ME1: variants seen among roughly 807,000 people sequenced by gnomAD.
ME1 encodes malic enzyme 1, also known as NADP-dependent malic enzyme.
ME1 carries 74 observed loss-of-function variants against 66.4 expected under a neutral mutation model. That is an observed-to-expected ratio of 1.11 (90% CI 0.92 to 1.35). ME1 has a LOEUF of 1.35. Ranked by LOEUF, ME1 falls within the 40% of genes most tolerant of loss-of-function variation. The pLI is 0.00. For missense variants in ME1, 750 were observed against 694.1 expected (o/e 1.08, Z -0.90); for synonymous variants, 251 against 235.6 (o/e 1.07, Z -0.60).
At position 83,392,875 on chromosome 6, in the gene ME1, C is replaced by T. The variant is rs1583414513; in HGVS notation, c.362+5492G>A. 3.8e-6 allele frequency: 3 copies of T among 785,716 alleles called. No homozygotes were observed. The South Asian group carries it at 4.0e-5, about 10-fold the overall frequency. The allele number at this position is 785,716 out of a possible 1,614,324, so 48.7% of individuals were successfully genotyped here. On this transcript the variant is annotated intron_variant, in intron 3 of 13. Transcript: ENST00000369705. ...ATTATCAGCAATGCCTCCTGCACCA[C>T]CAGCTGCTTAACGCCCCTGGCCAAG...
chr6:83,292,422 C>G (rs1439733384), intron 6 of ME1, among the ~76,000 whole-genome samples: 1 of 152,192 alleles, frequency 6.6e-6, no homozygotes, highest in African/African-American at 2.4e-5. Flanking sequence ...CCCTCCATAC[C>G]CTGTTTGCCT....
intron 10 of ME1, 117 bp downstream of exon 10, chr6:83,228,709 C>T (rs780825064): frequency 7.1e-6 from 5 of 702,046 alleles, no homozygotes; most frequent in Non-Finnish European, 1.2e-5. Flanking sequence ...GTCGCTTGAG[C>T]GAACGTGTAG....
intron 5 of ME1, among the ~76,000 whole-genome samples, chr6:83,345,015 T>C (rs1377748966): frequency 2.0e-5 from 3 of 152,168 alleles, no homozygotes; most frequent in Non-Finnish European, 4.4e-5. Context: ...TTAAATTTTT[T>C]AGAGCAGGGT....
At chr6:83,403,944 G>T (rs764264648) in intron 2 of ME1, among the ~76,000 whole-genome samples, 6 of 152,152 alleles carry the variant, frequency 3.9e-5, no homozygotes, top group Non-Finnish European at 8.8e-5. Flanking sequence ...TTGCTATTGT[G>T]AATAGTGCCG....
chr6:83,231,172 C>T (rs1790300866), intron 9 of ME1, among the ~76,000 whole-genome samples: 1 of 151,636 alleles, frequency 6.6e-6, no homozygotes, highest in Non-Finnish European at 1.5e-5. Flanking sequence ...GAATGGGAAA[C>T]AAATAATAAA....
intron 3 of ME1, among the ~76,000 whole-genome samples, chr6:83,394,260 C>G (rs550627854): frequency 1.9e-4 from 29 of 152,010 alleles, no homozygotes; most frequent in African/African-American, 6.3e-4. Context: ...TTTGATGGAA[C>G]AAATAAGACC....
intron 6 of ME1, among the ~76,000 whole-genome samples, chr6:83,286,805 T>G (rs1024893816): frequency 2.0e-5 from 3 of 152,152 alleles, no homozygotes; most frequent in Non-Finnish European, 4.4e-5. Context: ...TATTAAAATT[T>G]TCCTTGTAGC....
chr6:83,214,412 G>C (rs1789953573), intron 13 of ME1, among the ~76,000 whole-genome samples: 1 of 152,092 alleles, frequency 6.6e-6, no homozygotes, highest in African/African-American at 2.4e-5. Context: ...AAAAGTCTCT[G>C]ATAACTTGTT....
chr6:83,261,935 A>G (rs1439212013), intron 6 of ME1, among the ~76,000 whole-genome samples: 1 of 147,400 alleles, frequency 6.8e-6, no homozygotes, highest in Non-Finnish European at 1.5e-5. Context: ...AATCACTTGA[A>G]CCCAGGTGGT....
intron 6 of ME1, among the ~76,000 whole-genome samples, chr6:83,260,124 C>A (rs769944495): frequency 1.3e-5 from 2 of 150,720 alleles, no homozygotes; most frequent in African/African-American, 4.9e-5. Flanking sequence ...GTATTTATTT[C>A]TCTAAAAGCA....
At chr6:83,218,077 C>T (rs1790026086) in intron 12 of ME1, among the ~76,000 whole-genome samples, 1 of 152,134 alleles carries the variant, frequency 6.6e-6, no homozygotes, top group African/African-American at 2.4e-5. Context: ...TCATTAATTT[C>T]TTGCCTTTGT....
intron 3 of ME1, among the ~76,000 whole-genome samples, chr6:83,365,621 A>G (rs1319529703): frequency 6.6e-6 from 1 of 152,180 alleles, no homozygotes; most frequent in Non-Finnish European, 1.5e-5. Flanking sequence ...GCACTTTAGG[A>G]GGGCAAAATG....
chr6:83,398,472 AAG>A lies in ME1; in HGVS notation c.255_256del (p.Phe86LeufsTer2), dbSNP rs547639876. The A allele has an allele frequency of 2.5e-6, 4 of 1,583,816 alleles. No individual in the cohort carries two copies. The African/African-American group carries it at 5.4e-5, about 21-fold the overall frequency. ...AATGTCAGATGTCAGCACTCTATAAAAGAGTTTTTCATTTCTATCTTGGAGAT... is the reference window on the plus strand; with the variant it reads ...AATGTCAGATGTCAGCACTCTATAAAAGTTTTTCATTTCTATCTTGGAGAT... On this transcript the variant is annotated frameshift_variant, in exon 3 of 14. Coordinates refer to ENST00000369705, the MANE Select transcript of ME1 (RefSeq NM_002395.6). LOFTEE classifies it high-confidence loss of function.
At chr6:83,260,967 G>T (rs1766876894) in intron 6 of ME1, among the ~76,000 whole-genome samples, 1 of 152,082 alleles carries the variant, frequency 6.6e-6, no homozygotes. Context: ...ATTCTTTTGG[G>T]TATATATCCA....
intron 7 of ME1, among the ~76,000 whole-genome samples, chr6:83,244,099 G>T (rs372222685): frequency 6.6e-6 from 1 of 151,444 alleles, no homozygotes; most frequent in Non-Finnish European, 1.5e-5. Context: ...TACTCAATAC[G>T]GAGACCCTCC....
intron 7 of ME1, 102 bp from the exon 8 acceptor site, chr6:83,239,738 G>T: frequency 1.3e-6 from 1 of 763,222 alleles, no homozygotes; most frequent in Non-Finnish European, 2.2e-6. Flanking sequence ...AGGTTAACTG[G>T]TACAGAAGAG....
At chr6:83,327,637 C>T (rs564609497) in intron 5 of ME1, among the ~76,000 whole-genome samples, 2 of 152,230 alleles carry the variant, frequency 1.3e-5, no homozygotes, top group South Asian at 4.2e-4. Context: ...ACAATGGTGC[C>T]CGAAACTTCA....
At chr6:83,299,231 T>C (rs1767665761) in intron 6 of ME1, among the ~76,000 whole-genome samples, 1 of 152,046 alleles carries the variant, frequency 6.6e-6, no homozygotes, top group Non-Finnish European at 1.5e-5. Flanking sequence ...ATTCTTCCTA[T>C]CCATGAGCAT....
chr6:83,400,173 T>G (rs1424507442), intron 2 of ME1, among the ~76,000 whole-genome samples: 2 of 152,208 alleles, frequency 1.3e-5, no homozygotes, highest in African/African-American at 4.8e-5. Context: ...CATGTTGAAA[T>G]GTAATCCCCA....
Sources: allele counts gnomAD v4.1 joint callset (sites outside exome capture counted in the v4.1 genomes callset), GRCh38; gene constraint gnomAD v4.1.1; transcripts MANE v1.5; gene names NCBI Gene and HGNC (gene_info 2026-07-23, HGNC 2026-07-21).